BCR: variants seen among roughly 807,000 people sequenced by gnomAD.
BCR encodes BCR activator of RhoGEF and GTPase.
In BCR, 58 loss-of-function variants were observed where a neutral mutation model predicts 138.6. That is an observed-to-expected ratio of 0.42 (90% CI 0.34 to 0.52). BCR has a LOEUF of 0.52. Among genes scored for constraint, BCR ranks in the 20% least tolerant of loss-of-function variants. The pLI is 0.06. For synonymous variants in BCR, 786 were observed against 730.1 expected, an observed-to-expected ratio of 1.08 and a Z score of -1.23; for missense variants, 1,599 against 1,727.2, an observed-to-expected ratio of 0.93 and a Z score of 1.32.
At chr22:23,280,940 A>G (rs1395577336) in intron 8 of BCR, among the ~76,000 whole-genome samples, 1 of 152,200 alleles carries the variant, frequency 6.6e-6, no homozygotes, top group Non-Finnish European at 1.5e-5. Context: ...CCTGACACGC[A>G]CAGGACATGC....
chr22:23,309,621 C>G, intron 17 of BCR, 138 bp downstream of exon 17: 1 of 662,860 alleles, frequency 1.5e-6, no homozygotes, highest in Non-Finnish European at 2.7e-6. Flanking sequence ...GGGAGGGCCC[C>G]CAAGAGCAGA....
intron 4 of BCR, chr22:23,262,210 A>C (rs2073368899): frequency 6.6e-6 from 1 of 152,432 alleles, no homozygotes; most frequent in Non-Finnish European, 1.5e-5. Context: ...AGGTGTGGCC[A>C]GAGGCCAGGC....
At chr22:23,244,499 T>TTCCTGGGTCTGTCTTCCTCCC (rs2073132625) in intron 1 of BCR, among the ~76,000 whole-genome samples, 2 of 152,150 alleles carry the variant, frequency 1.3e-5, no homozygotes, top group Non-Finnish European at 2.9e-5. Flanking sequence ...CCTGCTGTCC[T>TTCCTGGGTCTGTCTTCCTCCC]TCCTGGGTCT....
chr22:23,213,353 C>T (rs941032227), intron 1 of BCR, among the ~76,000 whole-genome samples: 5 of 152,124 alleles, frequency 3.3e-5, no homozygotes, highest in African/African-American at 9.7e-5. Context: ...GTGCAGGAGT[C>T]GGGCTGGGCT....
At chr22:23,253,485 G>T (rs2073255305) in intron 1 of BCR, among the ~76,000 whole-genome samples, 1 of 152,166 alleles carries the variant, frequency 6.6e-6, no homozygotes, top group Admixed American at 6.5e-5. Context: ...AGGGTTTTAG[G>T]ACCTGCATGC....
chr22:23,221,276 C>G (rs2072821483), intron 1 of BCR, among the ~76,000 whole-genome samples: 3 of 152,160 alleles, frequency 2.0e-5, no homozygotes, highest in Admixed American at 6.5e-5. Context: ...GGTTGAGACT[C>G]CCTAGGGAGA....
Position 23,253,809 on chromosome 22 carries a change from C to T in BCR, c.1290C>T (p.Phe430=), listed in dbSNP as rs56092735. ...TCTTTGCACACACAGATGGCTCGTT[C>T]GGAACACCACCTGGATACGGCTGCG... The part of the protein sequence containing the change: ...GAFHGDADGS[F]GTPPGYGCAA... The change falls in exon 2 of 23, where the codon TTC becomes TTT. Residue 430 remains phenylalanine (F), a synonymous_variant. Transcript: ENST00000305877. The T allele has an allele frequency of 5.3e-4, 856 of 1,611,322 alleles. 7 individuals carry two copies. In the African/African-American group the frequency reaches 9.3e-3, roughly 18 times the overall value.
intron 2 of BCR, among the ~76,000 whole-genome samples, chr22:23,256,918 C>G (rs1255492710): frequency 6.6e-6 from 1 of 152,104 alleles, no homozygotes; most frequent in Non-Finnish European, 1.5e-5. Flanking sequence ...TTGTACCCAC[C>G]TAGGTAGGGT....
intron 1 of BCR, among the ~76,000 whole-genome samples, chr22:23,189,676 A>G (rs1428095615): frequency 6.6e-6 from 1 of 151,750 alleles, no homozygotes; most frequent in Non-Finnish European, 1.5e-5. Context: ...AATTTTTTGT[A>G]TTTTTAGTAG....
intron 1 of BCR, among the ~76,000 whole-genome samples, chr22:23,201,565 C>T (rs2072553929): frequency 6.6e-6 from 1 of 152,200 alleles, no homozygotes; most frequent in African/African-American, 2.4e-5. Flanking sequence ...TCATGCCATT[C>T]TCCTGCCTCC....
At chr22:23,254,684 C>T in intron 2 of BCR, 3 of 476,736 alleles carry the variant, frequency 6.3e-6, no homozygotes, top group Non-Finnish European at 1.3e-5. Context: ...CAGGGGGCTG[C>T]TTCAGCAATG....
intron 1 of BCR, among the ~76,000 whole-genome samples, chr22:23,200,086 C>CAAAAAAAAA (rs112561203): frequency 9.6e-6 from 1 of 104,060 alleles, no homozygotes; most frequent in Non-Finnish European, 2.1e-5. Context: ...GACTGCGTCT[C>CAAAAAAAAA]AAAAAAAAAA....
chr22:23,303,909 A>C (rs889959951), intron 16 of BCR, among the ~76,000 whole-genome samples: 1 of 144,354 alleles, frequency 6.9e-6, no homozygotes, highest in Non-Finnish European at 1.5e-5. Context: ...GAATATTTCT[A>C]TCACCCCAAT....
At chr22:23,282,500 C>CT (rs1273044226) in intron 8 of BCR, among the ~76,000 whole-genome samples, 1 of 152,270 alleles carries the variant, frequency 6.6e-6, no homozygotes, top group Non-Finnish European at 1.5e-5. Flanking sequence ...GCCTCCACCT[C>CT]TGAGAGTGTC....
chr22:23,285,223 G>T, intron 10 of BCR, 22 bp downstream of exon 10: 1 of 1,600,570 alleles, frequency 6.2e-7, no homozygotes. Context: ...GGGAGCAAGG[G>T]CCGGGTTTGG....
At chr22:23,273,810 C>A (rs1246791652) in intron 8 of BCR, 36 bp downstream of exon 8, 12 of 1,611,686 alleles carry the variant, frequency 7.4e-6, no homozygotes, top group Non-Finnish European at 1.0e-5. Flanking sequence ...GTCCACCCAT[C>A]CTGCTGAGCT....
intron 20 of BCR, among the ~76,000 whole-genome samples, chr22:23,313,282 C>A (rs1602136859): frequency 1.3e-5 from 2 of 152,342 alleles, no homozygotes; most frequent in South Asian, 4.1e-4. Flanking sequence ...CTGTGGGGTC[C>A]TAAAGTCTGC....
At chr22:23,267,709 T>A (rs1313228867) in intron 4 of BCR, among the ~76,000 whole-genome samples, 2 of 152,198 alleles carry the variant, frequency 1.3e-5, no homozygotes, top group African/African-American at 4.8e-5. Context: ...GAGATGGCAG[T>A]GTCTGCTGCA....
chr22:23,206,357 G>A (rs548691194), intron 1 of BCR, among the ~76,000 whole-genome samples: 2 of 152,124 alleles, frequency 1.3e-5, no homozygotes, highest in African/African-American at 2.4e-5. Flanking sequence ...GGCGGATCAC[G>A]AGGTCAGGAG....
Sources: allele counts gnomAD v4.1 joint callset (sites outside exome capture counted in the v4.1 genomes callset), GRCh38; gene constraint gnomAD v4.1.1; transcripts MANE v1.5; gene names NCBI Gene and HGNC (gene_info 2026-07-23, HGNC 2026-07-21).